The following PDE4D variants were observed in gnomAD, a reference collection of about 807,000 sequenced individuals.
PDE4D encodes 3',5'-cyclic-AMP phosphodiesterase 4D.
PDE4D carries 24 observed loss-of-function variants against 87.4 expected under a neutral mutation model. The ratio of observed to expected loss-of-function variants is 0.27; its 90% CI spans 0.20 to 0.39. The LOEUF (loss-of-function observed/expected upper bound fraction) is 0.39, where lower values mean the gene tolerates loss of function less well. Ranked by LOEUF, PDE4D falls within the 10% of genes least tolerant of loss-of-function variation. PDE4D has a pLI of 1.00. For missense variants in PDE4D, 714 were observed against 1,041.0 expected, an observed-to-expected ratio of 0.69 and a Z score of 4.32; for synonymous variants, 384 against 383.2, an observed-to-expected ratio of 1.00 and a Z score of -0.02.
At chr5:59,425,616 T>A (rs1795082159) in intron 1 of PDE4D, among the ~76,000 whole-genome samples, 1 of 152,146 alleles carries the variant, frequency 6.6e-6, no homozygotes, top group African/African-American at 2.4e-5. Context: ...CAAATGTTAG[T>A]CTAGGCCACG....
intron 3 of PDE4D, among the ~76,000 whole-genome samples, chr5:59,946,112 C>T (rs549707989): frequency 6.6e-6 from 1 of 152,320 alleles, no homozygotes; most frequent in East Asian, 1.9e-4. Flanking sequence ...GAGCTGCCTT[C>T]CATACTGTAG....
At chr5:59,786,094 C>T (rs1361723887) in intron 1 of PDE4D, among the ~76,000 whole-genome samples, 1 of 152,120 alleles carries the variant, frequency 6.6e-6, no homozygotes, top group Non-Finnish European at 1.5e-5. Flanking sequence ...CAACTGGCCT[C>T]CCCTCTCCCC....
At chr5:59,348,681 C>A (rs1780008087) in intron 1 of PDE4D, among the ~76,000 whole-genome samples, 1 of 132,890 alleles carries the variant, frequency 7.5e-6, no homozygotes, top group Non-Finnish European at 1.6e-5. Flanking sequence ...CTGTCCTTTG[C>A]ATTTGATTGG....
chr5:59,576,103 T>G (rs920347457), intron 1 of PDE4D, among the ~76,000 whole-genome samples: 1 of 152,184 alleles, frequency 6.6e-6, no homozygotes, highest in Non-Finnish European at 1.5e-5. Flanking sequence ...AGTTGCCTAA[T>G]CTGTACTATA....
At chr5:60,248,039 C>A (rs1747997155) in intron 1 of PDE4D, among the ~76,000 whole-genome samples, 1 of 151,996 alleles carries the variant, frequency 6.6e-6, no homozygotes, top group Non-Finnish European at 1.5e-5. Context: ...CACCCAAAAG[C>A]AATTTCATAT....
intron 2 of PDE4D, among the ~76,000 whole-genome samples, chr5:60,046,028 TC>T (rs1478187678): frequency 6.6e-6 from 1 of 152,198 alleles, no homozygotes; most frequent in Non-Finnish European, 1.5e-5. Flanking sequence ...GTTTGTATCC[TC>T]TTTTATTTCC....
intron 5 of PDE4D, among the ~76,000 whole-genome samples, chr5:59,067,331 C>T (rs1033204541): frequency 6.6e-5 from 10 of 151,994 alleles, no homozygotes; most frequent in Non-Finnish European, 1.2e-4. Context: ...TATTTTGTTA[C>T]AGCAGCTTGA....
intron 2 of PDE4D, among the ~76,000 whole-genome samples, chr5:60,029,709 C>T (rs889553481): frequency 2.7e-5 from 4 of 149,534 alleles, no homozygotes; most frequent in African/African-American, 5.0e-5. Flanking sequence ...ATCTACCACC[C>T]GCCACCACCA....
At chr5:59,571,646 T>C (rs952288624) in intron 1 of PDE4D, among the ~76,000 whole-genome samples, 11 of 152,152 alleles carry the variant, frequency 7.2e-5, no homozygotes, top group African/African-American at 2.7e-4. Context: ...ATTCTAGTAG[T>C]GGTATCAAAC....
chr5:59,489,116 C>A (rs1290768809), intron 1 of PDE4D, among the ~76,000 whole-genome samples: 1 of 151,944 alleles, frequency 6.6e-6, no homozygotes, highest in African/African-American at 2.4e-5. Context: ...GAAACCCCAT[C>A]TCTACTAAAA....
At chr5:60,148,080 A>G (rs191882963) in intron 2 of PDE4D, among the ~76,000 whole-genome samples, 196 of 152,270 alleles carry the variant, frequency 1.3e-3, no homozygotes, top group African/African-American at 4.5e-3. Flanking sequence ...TTACCACAGA[A>G]TATTTCTTTA....
chr5:59,684,411 A>T (rs942359664), intron 1 of PDE4D, among the ~76,000 whole-genome samples: 1 of 152,170 alleles, frequency 6.6e-6, no homozygotes, highest in Admixed American at 6.6e-5. Flanking sequence ...TTTTGAATAA[A>T]TGGATAACAA....
intron 1 of PDE4D, among the ~76,000 whole-genome samples, chr5:60,391,647 TA>T (rs1025597640): frequency 6.6e-6 from 1 of 152,188 alleles, no homozygotes; most frequent in African/African-American, 2.4e-5. Flanking sequence ...GCCTACCTTT[TA>T]AAATATTGAA....
intron 1 of PDE4D, among the ~76,000 whole-genome samples, chr5:59,382,779 A>G (rs891448343): frequency 5.9e-5 from 9 of 152,172 alleles, no homozygotes; most frequent in African/African-American, 2.2e-4. Flanking sequence ...CCTGGACTGA[A>G]ATCCTAGTTC....
chr5:59,737,656 C>A (rs1425702514), intron 1 of PDE4D, among the ~76,000 whole-genome samples: 1 of 151,892 alleles, frequency 6.6e-6, no homozygotes, highest in Non-Finnish European at 1.5e-5. Flanking sequence ...TTTCAAATGT[C>A]CACATGAAAA....
intron 1 of PDE4D, among the ~76,000 whole-genome samples, chr5:60,240,299 T>C (rs1583182337): frequency 6.6e-6 from 1 of 151,934 alleles, no homozygotes; most frequent in Non-Finnish European, 1.5e-5. Flanking sequence ...GTAACAACTA[T>C]CTAGGCAAAA....
At chr5:59,694,741 TG>T (rs1296179963) in intron 1 of PDE4D, among the ~76,000 whole-genome samples, 2 of 152,130 alleles carry the variant, frequency 1.3e-5, no homozygotes, top group Non-Finnish European at 2.9e-5. Flanking sequence ...AGAAGGACCA[TG>T]GATCTACGGT....
intron 1 of PDE4D, among the ~76,000 whole-genome samples, chr5:59,564,360 G>A (rs1380637526): frequency 6.6e-6 from 1 of 152,170 alleles, no homozygotes; most frequent in Non-Finnish European, 1.5e-5. Flanking sequence ...AGCTGACTGG[G>A]TAGGTAAATG....
chr5:59,818,731 T>A (rs796293503), intron 1 of PDE4D, among the ~76,000 whole-genome samples: 18 of 152,198 alleles, frequency 1.2e-4, no homozygotes, highest in African/African-American at 4.3e-4. Flanking sequence ...ACTAGAACAC[T>A]CATGGAAACA....
Sources: allele counts gnomAD v4.1 joint callset (sites outside exome capture counted in the v4.1 genomes callset), GRCh38; gene constraint gnomAD v4.1.1; transcripts MANE v1.5; gene names NCBI Gene and HGNC (gene_info 2026-07-23, HGNC 2026-07-21).